The following RIC8B variants were observed in gnomAD, a reference collection of about 807,000 sequenced individuals.
RIC8B encodes the protein RIC8 guanine nucleotide exchange factor B.
RIC8B carries 16 observed loss-of-function variants against 57.5 expected under a neutral mutation model. The ratio of observed to expected loss-of-function variants is 0.28; its 90% CI spans 0.19 to 0.42. The LOEUF (loss-of-function observed/expected upper bound fraction) is 0.42. Ranked by LOEUF, RIC8B falls within the 10% of genes least tolerant of loss-of-function variation. RIC8B has a pLI of 1.00. For missense variants in RIC8B, 481 were observed against 677.0 expected, an observed-to-expected ratio of 0.71 and a Z score of 3.21; for synonymous variants, 216 against 250.8, an observed-to-expected ratio of 0.86 and a Z score of 1.31.
At chr12:106,819,494 G>T (rs968692626) in intron 3 of RIC8B, among the ~76,000 whole-genome samples, 2 of 152,150 alleles carry the variant, frequency 1.3e-5, no homozygotes, top group African/African-American at 2.4e-5. Flanking sequence ...GCTCACGCCT[G>T]TAATGCTAGC....
intron 9 of RIC8B, among the ~76,000 whole-genome samples, chr12:106,873,362 T>A (rs189272951): frequency 3.9e-4 from 60 of 152,274 alleles, no homozygotes; most frequent in Middle Eastern, 6.8e-3. Flanking sequence ...TAACATTTGC[T>A]CTCACTAAAT....
At chr12:106,883,448 A>G (rs1951047574) in intron 9 of RIC8B, among the ~76,000 whole-genome samples, 2 of 152,184 alleles carry the variant, frequency 1.3e-5, no homozygotes, top group Admixed American at 1.3e-4. Flanking sequence ...GTTGTCATGT[A>G]GGCACCTCAA....
chr12:106,846,136 C>G (rs990111198), intron 6 of RIC8B, among the ~76,000 whole-genome samples: 1 of 152,136 alleles, frequency 6.6e-6, no homozygotes, highest in Non-Finnish European at 1.5e-5. Context: ...TATCTCCAGC[C>G]CTGACCTGTC....
At chr12:106,815,403 A>G in intron 3 of RIC8B, 99 bp downstream of exon 3, 1 of 1,272,990 alleles carries the variant, frequency 7.9e-7, no homozygotes, top group African/African-American at 1.5e-5. Flanking sequence ...GGGAAATGGA[A>G]AAAGTTCCCA....
chr12:106,824,999 A>G (rs1013012391), intron 3 of RIC8B, among the ~76,000 whole-genome samples: 1 of 152,166 alleles, frequency 6.6e-6, no homozygotes, highest in Non-Finnish European at 1.5e-5. Context: ...GCTCTCTATC[A>G]CAATTGTCTC....
At chr12:106,810,589 G>C (rs914768666) in intron 2 of RIC8B, among the ~76,000 whole-genome samples, 2 of 152,160 alleles carry the variant, frequency 1.3e-5, no homozygotes, top group African/African-American at 4.8e-5. Flanking sequence ...TTTAAGCTTA[G>C]CCTTCGAGAA....
At chr12:106,798,039 T>C (rs1478308558) in intron 2 of RIC8B, 2 of 716,312 alleles carry the variant, frequency 2.8e-6, no homozygotes, top group Admixed American at 2.0e-5. Context: ...GTTATAGCGT[T>C]GACAGAAAAC....
At chr12:106,800,530 C>T (rs957383848) in intron 2 of RIC8B, among the ~76,000 whole-genome samples, 14 of 152,138 alleles carry the variant, frequency 9.2e-5, no homozygotes, top group Non-Finnish European at 1.5e-4. Context: ...GGACACAGAT[C>T]CAAACCATAT....
chr12:106,850,639 A>G (rs1256595440), intron 6 of RIC8B, among the ~76,000 whole-genome samples: 1 of 152,214 alleles, frequency 6.6e-6, no homozygotes, highest in Non-Finnish European at 1.5e-5. Flanking sequence ...TGATGTTACT[A>G]TCTCCTTTGC....
At chr12:106,842,338 G>A (rs1948986547) in intron 4 of RIC8B, among the ~76,000 whole-genome samples, 1 of 152,154 alleles carries the variant, frequency 6.6e-6, no homozygotes, top group Admixed American at 6.5e-5. Flanking sequence ...ATTTCAGAAA[G>A]TGACATGACA....
At chr12:106,833,340 G>A (rs565993291) in intron 4 of RIC8B, among the ~76,000 whole-genome samples, 72 of 152,096 alleles carry the variant, frequency 4.7e-4, no homozygotes, top group Non-Finnish European at 9.6e-4. Flanking sequence ...GGTGGCTCAC[G>A]CCTGTAATCC....
intron 8 of RIC8B, among the ~76,000 whole-genome samples, chr12:106,865,944 G>C (rs539333223): frequency 5.6e-4 from 85 of 152,240 alleles, no homozygotes; most frequent in Non-Finnish European, 1.1e-3. Flanking sequence ...CCAGATAGCT[G>C]TCATATCGCT....
At chr12:106,778,953 C>T (rs2043616577) in intron 1 of RIC8B, among the ~76,000 whole-genome samples, 1 of 152,102 alleles carries the variant, frequency 6.6e-6, no homozygotes, top group African/African-American at 2.4e-5. Context: ...GCTCTTGTTG[C>T]CCCAGGCTGG....
chr12:106,868,766 G>GACACACACACACACACAC lies in RIC8B; in HGVS notation c.1452-2025_1452-2008dup, dbSNP rs56293147. ...ATGAGTGTCTAAAGCAGGCACTCTA[G>GACACACACACACACACAC]ACACACACACACACACACACACACA... On this transcript the variant is annotated intron_variant, in intron 8 of 9. Coordinates refer to ENST00000392837, the MANE Select transcript of RIC8B (RefSeq NM_001330145.2). Among the ~76,000 whole-genome samples the GACACACACACACACACAC allele has an allele frequency of 2.0e-3, 240 of 123,016 alleles. 3 individuals are homozygous for GACACACACACACACACAC. Among genetic ancestry groups the GACACACACACACACACAC allele is most frequent in the African/African-American group, 6.8e-3 (218 of 31,828 alleles). 80.7% of individuals were successfully genotyped at this position (123,016 alleles called of 152,430 possible).
intron 1 of RIC8B, among the ~76,000 whole-genome samples, chr12:106,780,412 T>C (rs1397095481): frequency 2.6e-5 from 4 of 152,160 alleles, no homozygotes; most frequent in African/African-American, 9.7e-5. Context: ...GGCAGTGAGG[T>C]CTTCATTCAT....
intron 8 of RIC8B, among the ~76,000 whole-genome samples, chr12:106,868,645 T>TA (rs1399633246): frequency 6.6e-6 from 1 of 152,014 alleles, no homozygotes; most frequent in Non-Finnish European, 1.5e-5. Flanking sequence ...TTTTAGGAAA[T>TA]ACGATGACCC....
chr12:106,853,007 AG>A (rs1949541603), intron 7 of RIC8B, among the ~76,000 whole-genome samples: 1 of 152,226 alleles, frequency 6.6e-6, no homozygotes, highest in African/African-American at 2.4e-5. Flanking sequence ...CATTTTAAAA[AG>A]TTTGTCAAAA....
intron 2 of RIC8B, among the ~76,000 whole-genome samples, chr12:106,790,408 C>T (rs772208495): frequency 2.0e-4 from 30 of 152,160 alleles, no homozygotes; most frequent in Non-Finnish European, 3.7e-4. Context: ...TCAGATACAA[C>T]GGCTAATGTT....
intron 4 of RIC8B, among the ~76,000 whole-genome samples, chr12:106,841,114 T>C (rs1488793757): frequency 1.3e-5 from 2 of 152,214 alleles, no homozygotes; most frequent in East Asian, 1.9e-4. Context: ...GGAAAGCTTA[T>C]ATTTCAGCCA....
Sources: allele counts gnomAD v4.1 joint callset (sites outside exome capture counted in the v4.1 genomes callset), GRCh38; gene constraint gnomAD v4.1.1; transcripts MANE v1.5; gene names NCBI Gene and HGNC (gene_info 2026-07-23, HGNC 2026-07-21).